The following DOCK2 variants were observed in gnomAD, a reference collection of about 807,000 sequenced individuals.
DOCK2 encodes dedicator of cytokinesis 2, also known as dedicator of cytokinesis protein 2.
In DOCK2, 87 loss-of-function variants were observed where a neutral mutation model predicts 248.9. The observed-to-expected ratio is 0.35, with a 90% CI of 0.29 to 0.42. The LOEUF is 0.42. Ranked by LOEUF, DOCK2 falls within the 10% of genes least tolerant of loss-of-function variation. The probability of loss-of-function intolerance (pLI) is 1.00; values close to 1 mark genes in which losing one functional copy is unlikely to be tolerated. For synonymous variants in DOCK2, 805 were observed against 821.6 expected (o/e 0.98, Z 0.35); for missense variants, 1,747 against 2,300.2 (o/e 0.76, Z 4.92).
chr5:169,847,657 T>C (rs1241438416), intron 27 of DOCK2, among the ~76,000 whole-genome samples: 8 of 152,222 alleles, frequency 5.3e-5, no homozygotes, highest in African/African-American at 1.9e-4. Flanking sequence ...ATTCTCTTTT[T>C]CTATCTCCCA....
intron 27 of DOCK2, among the ~76,000 whole-genome samples, chr5:169,912,554 T>A (rs115798450): frequency 0.015 from 2,248 of 152,306 alleles, 53 homozygotes; most frequent in African/African-American, 0.051. Flanking sequence ...TCCATAACTT[T>A]CTTTCCACTT....
chr5:169,670,743 G>A lies in DOCK2; in HGVS notation c.224+146G>A, dbSNP rs762374546. 27 of 930,264 alleles carry A rather than the reference G, an allele frequency of 2.9e-5. No individual in the cohort carries two copies. The Admixed American group carries it at 3.2e-4, about 11-fold the overall frequency. 57.6% of individuals were successfully genotyped at this position (930,264 alleles called of 1,614,324 possible). A position where few individuals can be genotyped will look rare whatever the true frequency, so the allele number is the denominator to read the frequency against. On this transcript the variant is annotated intron_variant, in intron 4 of 51. Transcript: ENST00000520908. ...GTGTATATTTGTGGGTCTCCTTTCC[G>A]TTACTCAATGGGAGATCTAATCCAA...
chr5:169,786,134 C>A (rs1300924507), intron 25 of DOCK2, among the ~76,000 whole-genome samples: 1 of 152,164 alleles, frequency 6.6e-6, no homozygotes, highest in Non-Finnish European at 1.5e-5. Context: ...AACATGATAA[C>A]TTGCATATTA....
At chr5:170,063,598 T>C (rs767100445) in intron 44 of DOCK2, among the ~76,000 whole-genome samples, 1 of 152,184 alleles carries the variant, frequency 6.6e-6, no homozygotes, top group Non-Finnish European at 1.5e-5. Flanking sequence ...GGCACTTCAC[T>C]AGCCTTTCCT....
chr5:169,671,756 A>G (rs1345008390), intron 5 of DOCK2, among the ~76,000 whole-genome samples: 1 of 152,216 alleles, frequency 6.6e-6, no homozygotes, highest in Non-Finnish European at 1.5e-5. Flanking sequence ...GAAAATGTCA[A>G]CCAAGGCTTA....
chr5:170,080,464 G>T (rs769201648), intron 50 of DOCK2, 181 bp downstream of exon 50: 13 of 931,102 alleles, frequency 1.4e-5, no homozygotes, highest in Middle Eastern at 3.4e-4. Flanking sequence ...ACTTCCTGGG[G>T]GTGACACCAT....
chr5:170,016,447 A>C (rs1171264080), intron 32 of DOCK2, among the ~76,000 whole-genome samples: 6 of 152,364 alleles, frequency 3.9e-5, no homozygotes, highest in Admixed American at 1.3e-4. Context: ...CACAAAATCC[A>C]ATGTGCTGAA....
At chr5:169,844,695 A>G (rs1336875528) in intron 27 of DOCK2, among the ~76,000 whole-genome samples, 2 of 149,378 alleles carry the variant, frequency 1.3e-5, no homozygotes, top group Non-Finnish European at 3.0e-5. Flanking sequence ...TCCTTTCCCC[A>G]ATGATGAATG....
chr5:169,702,701 T>A, intron 14 of DOCK2: 1 of 105,534 alleles, frequency 9.5e-6, no homozygotes, highest in Non-Finnish European at 1.7e-5. Context: ...ATGTATGTAT[T>A]TATTTATTTA....
chr5:170,073,339 C>T (rs1429853821), intron 46 of DOCK2, among the ~76,000 whole-genome samples: 8 of 152,108 alleles, frequency 5.3e-5, no homozygotes, highest in Admixed American at 3.3e-4. Flanking sequence ...CATGCTTATA[C>T]CAATACCACA....
At chr5:169,950,476 G>A (rs1382623163) in intron 27 of DOCK2, among the ~76,000 whole-genome samples, 1 of 152,214 alleles carries the variant, frequency 6.6e-6, no homozygotes, top group Non-Finnish European at 1.5e-5. Flanking sequence ...GGAGATCACT[G>A]TGTGAACCAG....
chr5:169,747,689 C>T (rs1763685064), intron 23 of DOCK2, among the ~76,000 whole-genome samples, 185 bp downstream of exon 23: 1 of 152,188 alleles, frequency 6.6e-6, no homozygotes, highest in African/African-American at 2.4e-5. Context: ...GTTTGTTACC[C>T]ATGAAGCTAG....
chr5:170,054,816 G>A (rs1177631535), intron 41 of DOCK2, among the ~76,000 whole-genome samples: 2 of 152,158 alleles, frequency 1.3e-5, no homozygotes, highest in African/African-American at 4.8e-5. Flanking sequence ...AAAGAATTCT[G>A]AGCTTAGAGT....
chr5:170,034,872 G>A (rs898454463), intron 35 of DOCK2, among the ~76,000 whole-genome samples: 1 of 152,132 alleles, frequency 6.6e-6, no homozygotes, highest in African/African-American at 2.4e-5. Context: ...CACAGCCTCT[G>A]GGTTTCCATC....
intron 25 of DOCK2, among the ~76,000 whole-genome samples, chr5:169,780,295 ATGTGTGTGTGTGTGTG>A (rs3138738): frequency 1.2e-4 from 17 of 137,792 alleles, no homozygotes; most frequent in South Asian, 4.9e-4. Flanking sequence ...AACCCAATAA[ATGTGTGTGTGTGTGTG>A]TGTGTGTGTG....
chr5:169,695,091 A>G (rs1416500655), intron 9 of DOCK2: 1 of 152,222 alleles, frequency 6.6e-6, no homozygotes, highest in Non-Finnish European at 1.5e-5. Flanking sequence ...GCAAAAAGTG[A>G]TGTGCATCTC....
intron 25 of DOCK2, among the ~76,000 whole-genome samples, chr5:169,767,810 A>G (rs1764874233): frequency 6.6e-6 from 1 of 152,248 alleles, no homozygotes; most frequent in Non-Finnish European, 1.5e-5. Flanking sequence ...TACATACAGC[A>G]TAAATATATA....
At chr5:169,988,555 G>A (rs1005684618) in intron 29 of DOCK2, among the ~76,000 whole-genome samples, 7 of 151,674 alleles carry the variant, frequency 4.6e-5, no homozygotes, top group East Asian at 1.9e-4. Flanking sequence ...TCTTGTTGCC[G>A]AGGCTGGAGT....
At chr5:170,028,334 A>T (rs2113831711) in intron 34 of DOCK2, among the ~76,000 whole-genome samples, 1 of 152,324 alleles carries the variant, frequency 6.6e-6, no homozygotes, top group Non-Finnish European at 1.5e-5. Flanking sequence ...CTATTGTGCA[A>T]TGTGCTGTGT....
Sources: allele counts gnomAD v4.1 joint callset (sites outside exome capture counted in the v4.1 genomes callset), GRCh38; gene constraint gnomAD v4.1.1; transcripts MANE v1.5; gene names NCBI Gene and HGNC (gene_info 2026-07-23, HGNC 2026-07-21).